Variants in ITSN2 observed in about 807,000 individuals in gnomAD.
The protein encoded by ITSN2 is intersectin 2.
A neutral mutation model predicts 243.7 loss-of-function variants in ITSN2; 156 were observed. The ratio of observed to expected loss-of-function variants is 0.64; its 90% CI spans 0.56 to 0.73. The LOEUF is 0.73. Among genes scored for constraint, ITSN2 ranks in the 30% least tolerant of loss-of-function variants. ITSN2 has a pLI of 0.00. For missense variants in ITSN2, 1,801 were observed against 1,996.1 expected (o/e 0.90, Z 1.86); for synonymous variants, 703 against 699.9 (o/e 1.00, Z -0.07).
chr2:24,310,083 T>G (rs1683064023), intron 7 of ITSN2, among the ~76,000 whole-genome samples: 1 of 152,098 alleles, frequency 6.6e-6, no homozygotes, highest in Non-Finnish European at 1.5e-5. Context: ...TTTTCAAAAG[T>G]AAAATGCCAC....
chr2:24,348,872 A>G (rs950915260), intron 1 of ITSN2, among the ~76,000 whole-genome samples: 1 of 152,258 alleles, frequency 6.6e-6, no homozygotes, highest in Non-Finnish European at 1.5e-5. Context: ...AATTACCAAT[A>G]TACTTCAATT....
chr2:24,341,325 G>A (rs887185076), intron 1 of ITSN2, among the ~76,000 whole-genome samples: 1 of 152,112 alleles, frequency 6.6e-6, no homozygotes, highest in Non-Finnish European at 1.5e-5. Flanking sequence ...ATTAGGGATT[G>A]GGAGTAGTTG....
intron 1 of ITSN2, among the ~76,000 whole-genome samples, chr2:24,360,097 G>A (rs1242809273): frequency 6.6e-6 from 1 of 152,104 alleles, no homozygotes; most frequent in Non-Finnish European, 1.5e-5. Flanking sequence ...GGCAGCAGAG[G>A]AAGGAACCCG....
intron 18 of ITSN2, among the ~76,000 whole-genome samples, chr2:24,274,765 T>A (rs532680659): frequency 6.6e-6 from 1 of 152,192 alleles, no homozygotes; most frequent in Admixed American, 6.5e-5. Flanking sequence ...CAAATGGTAA[T>A]GTGTCTTCCT....
intron 14 of ITSN2, among the ~76,000 whole-genome samples, chr2:24,294,036 T>A (rs1680621969): frequency 6.6e-6 from 1 of 152,210 alleles, no homozygotes; most frequent in Non-Finnish European, 1.5e-5. Context: ...TCTAGAAGCC[T>A]ACAATTTTCA....
At chr2:24,286,181 C>T (rs1339269143) in intron 16 of ITSN2, 31 bp downstream of exon 16, 7 of 1,374,772 alleles carry the variant, frequency 5.1e-6, no homozygotes, top group Non-Finnish European at 7.0e-6. Context: ...AAGGCAGTTA[C>T]CTAAAAATAA....
At chr2:24,346,561 T>G (rs1264530702) in intron 1 of ITSN2, among the ~76,000 whole-genome samples, 2 of 152,158 alleles carry the variant, frequency 1.3e-5, no homozygotes, top group Non-Finnish European at 2.9e-5. Flanking sequence ...AAATAATGCA[T>G]AGACTTCAGT....
chr2:24,311,372 G>C (rs1231108532), intron 5 of ITSN2, among the ~76,000 whole-genome samples: 1 of 151,992 alleles, frequency 6.6e-6, no homozygotes. Context: ...TAATTTTGTG[G>C]AGTCTGTTGT....
At chr2:24,326,641 C>A (rs1685186765) in intron 2 of ITSN2, 1 of 168,934 alleles carries the variant, frequency 5.9e-6, no homozygotes, top group Non-Finnish European at 1.5e-5. Flanking sequence ...ACCATTTTCC[C>A]AATAGGAGCA....
Position 24,251,317 on chromosome 2 carries a change from A to AATAAAAAATAAAAAAAT in ITSN2, c.3120+1027_3120+1028insATTTTTTTATTTTTTAT, listed in dbSNP as rs1558487804. Among the ~76,000 whole-genome samples, 2 of 7,076 alleles carry AATAAAAAATAAAAAAAT rather than the reference A, an allele frequency of 2.8e-4. 1 individual carries two copies. Among genetic ancestry groups the AATAAAAAATAAAAAAAT allele is most frequent in the East Asian group, 8.1e-3 (2 of 246 alleles). The allele number at this position is 7,076 out of a possible 152,430, so 4.6% of individuals were successfully genotyped here. ...AGAACTAAACTCCATCTCAAAAAAA[A>AATAAAAAATAAAAAAAT]AAAAAAATAAAATATATATATATAT... is the stretch of plus-strand genomic sequence containing the variant. On this transcript the variant is annotated intron_variant, in intron 25 of 39. Coordinates refer to ENST00000355123, the MANE Select transcript of ITSN2 (RefSeq NM_006277.3).
chr2:24,218,867 C>T (rs902299324), intron 30 of ITSN2, among the ~76,000 whole-genome samples: 2 of 152,210 alleles, frequency 1.3e-5, no homozygotes, highest in African/African-American at 4.8e-5. Flanking sequence ...ACACTCTTCT[C>T]ATATGTCATC....
At chr2:24,308,967 G>C (rs567758952) in intron 7 of ITSN2, 6 of 550,332 alleles carry the variant, frequency 1.1e-5, no homozygotes, top group South Asian at 7.8e-5. Context: ...CCAGTGAGCA[G>C]TGGCATTAGA....
At chr2:24,277,975 G>A (rs939307501) in intron 17 of ITSN2, among the ~76,000 whole-genome samples, 2 of 152,190 alleles carry the variant, frequency 1.3e-5, no homozygotes, top group Non-Finnish European at 2.9e-5. Context: ...GTTATGATAC[G>A]TGCCTCACAG....
At chr2:24,324,157 A>G (rs2151819478) in intron 2 of ITSN2, among the ~76,000 whole-genome samples, 2 of 152,260 alleles carry the variant, frequency 1.3e-5, no homozygotes, top group East Asian at 3.9e-4. Flanking sequence ...GCGTGAACCC[A>G]GTAGGCGGAG....
chr2:24,328,346 G>A (rs1382096746), intron 1 of ITSN2, among the ~76,000 whole-genome samples: 2 of 152,012 alleles, frequency 1.3e-5, no homozygotes, highest in Non-Finnish European at 2.9e-5. Context: ...ATATTTAATA[G>A]TAGATACTGA....
rs796896624 is a variant in ITSN2 at position 24,236,384 on chromosome 2, G to A, written c.3577+9745C>T. Among the ~76,000 whole-genome samples, 9 of 152,292 alleles carry A rather than the reference G, an allele frequency of 5.9e-5. 1 individual carries two copies. The highest frequency in any genetic ancestry group is 2.2e-4 in the African/African-American group (9 of 41,570). ...ATGGGGGTGATAGCTAAATTGTACAGAGATTCATTTTGAGGTGATAAAAAT... is the reference window on the plus strand; with the variant it reads ...ATGGGGGTGATAGCTAAATTGTACAAAGATTCATTTTGAGGTGATAAAAAT... On this transcript the variant is annotated intron_variant, in intron 29 of 39. Transcript: ENST00000355123.
chr2:24,274,056 G>A (rs79979418), intron 18 of ITSN2, among the ~76,000 whole-genome samples: 3,136 of 152,296 alleles, frequency 0.021, 48 homozygotes, highest in Non-Finnish European at 0.031. Context: ...CTTTTGGCCT[G>A]AAAGGAATTG....
Position 24,261,769 on chromosome 2 carries a change from A to G in ITSN2, c.2356-27T>C, listed in dbSNP as rs1228411970. On this transcript the variant is annotated intron_variant, in intron 20 of 39. Coordinates refer to ENST00000355123, the MANE Select transcript of ITSN2 (RefSeq NM_006277.3). ...TACGGAAATAAAAAGAAGGATTAAC[A>G]GTGCTTAGAAATTCACACATTTACA... is the stretch of plus-strand genomic sequence containing the variant. 4 of 1,536,348 alleles carry G rather than the reference A, an allele frequency of 2.6e-6. No homozygotes were observed. In the Admixed American group the frequency reaches 5.4e-5, roughly 21 times the overall value.
intron 13 of ITSN2, among the ~76,000 whole-genome samples, chr2:24,298,113 T>C (rs910573490): frequency 7.9e-5 from 12 of 151,700 alleles, no homozygotes; most frequent in South Asian, 2.1e-4. Flanking sequence ...GCCTCCCAAG[T>C]AGCTAGGATT....
Sources: allele counts gnomAD v4.1 joint callset (sites outside exome capture counted in the v4.1 genomes callset), GRCh38; gene constraint gnomAD v4.1.1; transcripts MANE v1.5; gene names NCBI Gene and HGNC (gene_info 2026-07-23, HGNC 2026-07-21).